INSIG2: variants seen among roughly 807,000 people sequenced by gnomAD.
INSIG2 encodes insulin-induced gene 2 protein.
A neutral mutation model predicts 27.2 loss-of-function variants in INSIG2; 10 were observed. That is an observed-to-expected ratio of 0.37 (90% CI 0.23 to 0.62). INSIG2 has a LOEUF of 0.62. Ranked by LOEUF, INSIG2 falls within the 20% of genes least tolerant of loss-of-function variation. INSIG2 has a pLI of 0.65. For missense variants in INSIG2, 178 were observed against 270.2 expected, an observed-to-expected ratio of 0.66 and a Z score of 2.39; for synonymous variants, 97 against 95.8, an observed-to-expected ratio of 1.01 and a Z score of -0.07.
In INSIG2 at chr2:118,109,995, C is replaced by A. The variant is rs1678775543; in HGVS notation, c.*1673C>A. On this transcript the variant is annotated 3_prime_UTR_variant, in exon 6 of 6. Coordinates refer to ENST00000245787, the MANE Select transcript of INSIG2 (RefSeq NM_016133.4). ...TTACTTTAAAAATTGCTGTTAAAAG[C>A]AACACGTATTAAATATGTAATTATC... is the stretch of plus-strand genomic sequence containing the variant. 6.6e-6 allele frequency: 1 copy of A among 152,420 alleles called. No homozygotes were observed. The highest frequency in any genetic ancestry group is 2.4e-5 in the African/African-American group (1 of 41,374). The allele number at this position is 152,420 out of a possible 1,614,324, so 9.4% of individuals were successfully genotyped here.
chr2:118,095,992 A>G (rs140675097), intron 1 of INSIG2, among the ~76,000 whole-genome samples: 75 of 152,368 alleles, frequency 4.9e-4, no homozygotes, highest in Non-Finnish European at 8.7e-4. Flanking sequence ...TTCAGTCAGA[A>G]TATGCTTATC....
At position 118,108,387 on chromosome 2, in the gene INSIG2, C is replaced by T. The variant is rs1463077908; in HGVS notation, c.*65C>T. On this transcript the variant is annotated 3_prime_UTR_variant, in exon 6 of 6. Coordinates refer to ENST00000245787, the MANE Select transcript of INSIG2 (RefSeq NM_016133.4). ...AAAAGGATGTGAAATGGTAGATATA[C>T]CAACAAAACTTCAGACTGTAAAATT... 2.4e-6 allele frequency: 3 copies of T among 1,253,424 alleles called. No homozygotes were observed. Among genetic ancestry groups the T allele is most frequent in the African/African-American group, 1.5e-5 (1 of 66,256 alleles). 77.6% of individuals were successfully genotyped at this position (1,253,424 alleles called of 1,614,324 possible). A position where few individuals can be genotyped will look rare whatever the true frequency, so the allele number is the denominator to read the frequency against.
chr2:118,097,174 T>TA (rs1678428685), intron 2 of INSIG2, among the ~76,000 whole-genome samples: 1 of 151,508 alleles, frequency 6.6e-6, no homozygotes, highest in Non-Finnish European at 1.5e-5. Flanking sequence ...TCTGTCTCAT[T>TA]CTATCTGTCC....
intron 3 of INSIG2, among the ~76,000 whole-genome samples, chr2:118,103,656 CTCTT>C (rs1247425120): frequency 6.6e-6 from 1 of 152,074 alleles, no homozygotes; most frequent in Non-Finnish European, 1.5e-5. Context: ...GTTTTTTCCT[CTCTT>C]TCTTTGTTAA....
intron 1 of INSIG2, among the ~76,000 whole-genome samples, chr2:118,094,900 T>C (rs1324951886): frequency 1.3e-5 from 2 of 152,218 alleles, no homozygotes; most frequent in East Asian, 1.9e-4. Context: ...TTTTATGTGA[T>C]GATTAGGAGC....
chr2:118,093,938 TGATGAGGAG>T lies in INSIG2; in HGVS notation c.-138-2478_-138-2470del, dbSNP rs777370043. Among the ~76,000 whole-genome samples the T allele has an allele frequency of 1.2e-3, 24 of 20,094 alleles. 3 individuals are homozygous for T. The highest frequency in any genetic ancestry group is 4.0e-3 in the East Asian group (1 of 252). The allele number at this position is 20,094 out of a possible 152,430, so 13.2% of individuals were successfully genotyped here. A position where few individuals can be genotyped will look rare whatever the true frequency, so the allele number is the denominator to read the frequency against. ...AAAAGCAACCAGATGATGATGATGATGATGAGGAGGAGGAGGAGGAGGAGGAGGAGGAGG... is the reference window on the plus strand; with the variant it reads ...AAAAGCAACCAGATGATGATGATGATGAGGAGGAGGAGGAGGAGGAGGAGG... On this transcript the variant is annotated intron_variant, in intron 1 of 5. Coordinates refer to ENST00000245787, the MANE Select transcript of INSIG2 (RefSeq NM_016133.4).
chr2:118,107,268 A>G, intron 5 of INSIG2, 79 bp downstream of exon 5: 1 of 914,474 alleles, frequency 1.1e-6, no homozygotes, highest in Non-Finnish European at 1.7e-6. Context: ...TTTAAGGGAA[A>G]GCAATTTGTG....
Position 118,103,243 on chromosome 2 carries a change from A to G in INSIG2, c.291A>G (p.Glu97=). Residue 97 remains glutamate (E), a synonymous_variant, in exon 3 of 6, where the codon GAA becomes GAG. Transcript: ENST00000245787. ...CCTGCATTGACAGACATCTAGGAGA[A>G]CCACATAAATTTAAAAGAGAGTGGT... ...LYPCIDRHLG[E]PHKFKREWSS... 1 of 1,613,848 alleles carries G rather than the reference A, an allele frequency of 6.2e-7. No individual in the cohort carries two copies. The highest frequency in any genetic ancestry group is 1.1e-5 in the South Asian group (1 of 91,072).
At chr2:118,104,410 T>G (rs893618518) in intron 3 of INSIG2, among the ~76,000 whole-genome samples, 2 of 152,204 alleles carry the variant, frequency 1.3e-5, no homozygotes, top group South Asian at 2.1e-4. Flanking sequence ...TGCAGGTCTG[T>G]GAATTTGGAA....
chr2:118,102,366 A>T (rs1281970010), intron 2 of INSIG2, among the ~76,000 whole-genome samples: 2 of 152,270 alleles, frequency 1.3e-5, no homozygotes, highest in Non-Finnish European at 2.9e-5. Flanking sequence ...GACATTTTAT[A>T]TACAGTTATG....
intron 3 of INSIG2, among the ~76,000 whole-genome samples, chr2:118,106,267 C>G (rs543320327): frequency 1.3e-5 from 2 of 152,316 alleles, no homozygotes; most frequent in African/African-American, 4.8e-5. Flanking sequence ...TGTTAAATAG[C>G]TGTCAACTCT....
intron 1 of INSIG2, among the ~76,000 whole-genome samples, chr2:118,092,859 A>AGATGATGAT (rs760155161): frequency 1.4e-5 from 2 of 148,136 alleles, no homozygotes; most frequent in African/African-American, 2.5e-5. Context: ...AAAAGCAACC[A>AGATGATGAT]GATGATGATG....
At chr2:118,104,476 C>T (rs1295163132) in intron 3 of INSIG2, among the ~76,000 whole-genome samples, 1 of 152,168 alleles carries the variant, frequency 6.6e-6, no homozygotes, top group African/African-American at 2.4e-5. Context: ...GACATTTCCA[C>T]ATGTTTATTT....
At chr2:118,104,186 A>AAAG (rs1210257166) in intron 3 of INSIG2, among the ~76,000 whole-genome samples, 2 of 152,154 alleles carry the variant, frequency 1.3e-5, no homozygotes, top group Non-Finnish European at 2.9e-5. Context: ...CAGGCTGCCA[A>AAAG]AAGTTTGCTC....
chr2:118,099,990 A>G (rs1299305132), intron 2 of INSIG2, among the ~76,000 whole-genome samples: 2 of 152,080 alleles, frequency 1.3e-5, no homozygotes, highest in Non-Finnish European at 2.9e-5. Context: ...CTGATTGCCC[A>G]TTGTCTGCAG....
chr2:118,101,921 G>A (rs993809910), intron 2 of INSIG2, among the ~76,000 whole-genome samples: 1 of 152,168 alleles, frequency 6.6e-6, no homozygotes, highest in Non-Finnish European at 1.5e-5. Context: ...ATCTCATCTC[G>A]AGATAGAAGG....
intron 2 of INSIG2, chr2:118,102,729 T>TA (rs1678577060): frequency 1.3e-5 from 2 of 158,724 alleles, no homozygotes; most frequent in African/African-American, 4.8e-5. Flanking sequence ...GATGAGCTTG[T>TA]TGTATACTTT....
rs1678749416 is a variant in INSIG2, at chr2:118,109,148, A to C, written c.*826A>C. ...ACCTCTTGCAGTGTCACAAAAGTGC[A>C]AAGTGATATTAGCTGTCATCTGCAA... On this transcript the variant is annotated 3_prime_UTR_variant, in exon 6 of 6. Transcript: ENST00000245787. 6.6e-6 allele frequency: 1 copy of C among 152,260 alleles called. No individual in the cohort carries two copies. The highest frequency in any genetic ancestry group is 6.5e-5 in the Admixed American group (1 of 15,288). 9.4% of individuals were successfully genotyped at this position (152,260 alleles called of 1,614,324 possible).
At chr2:118,100,373 CTTTT>C (rs70949913) in intron 2 of INSIG2, among the ~76,000 whole-genome samples, 7 of 81,518 alleles carry the variant, frequency 8.6e-5, no homozygotes, top group South Asian at 5.5e-4. Context: ...ACTCTTTTGC[CTTTT>C]TTTTTTTTTT....
Sources: allele counts gnomAD v4.1 joint callset (sites outside exome capture counted in the v4.1 genomes callset), GRCh38; gene constraint gnomAD v4.1.1; transcripts MANE v1.5; gene names NCBI Gene and HGNC (gene_info 2026-07-23, HGNC 2026-07-21).